Variants in SMCO2 observed in about 807,000 individuals in gnomAD.
The protein encoded by SMCO2 is single-pass membrane and coiled-coil domain-containing protein 2.
In SMCO2, 25 loss-of-function variants were observed where a neutral mutation model predicts 29.5. That is an observed-to-expected ratio of 0.85 (90% CI 0.62 to 1.18). SMCO2 has a LOEUF of 1.18. Among genes scored for constraint, SMCO2 ranks in the 50% most tolerant of loss-of-function variants. SMCO2 has a pLI of 0.00. For missense variants in SMCO2, 348 were observed against 344.5 expected (o/e 1.01, Z -0.08); for synonymous variants, 117 against 123.3 (o/e 0.95, Z 0.34).
chr12:27,450,536 AC>A, the SMCO2 span, among the ~76,000 whole-genome samples: 1 of 152,130 alleles, frequency 6.6e-6, no homozygotes, highest in Non-Finnish European at 1.5e-5. Context: ...CATTGATTTT[AC>A]CCTCAGCGGC....
the SMCO2 span, among the ~76,000 whole-genome samples, chr12:27,443,365 T>G: frequency 0.66 from 100,263 of 152,048 alleles, 33,343 homozygotes; most frequent in Middle Eastern, 0.79. Context: ...GGAACATACC[T>G]CAAAATAATA....
chr12:27,455,240 CATCT>C, the SMCO2 span, among the ~76,000 whole-genome samples: 1 of 152,280 alleles, frequency 6.6e-6, no homozygotes, highest in East Asian at 1.9e-4. Flanking sequence ...CTCCAAGTAG[CATCT>C]ATCTATCATT....
chr12:27,447,125 C>T, the SMCO2 span, among the ~76,000 whole-genome samples: 2 of 152,124 alleles, frequency 1.3e-5, no homozygotes, highest in African/African-American at 4.8e-5. Flanking sequence ...CAGTGAATGG[C>T]ATCTCACTGC....
At chr12:27,500,226 A>C (rs1392912709) in intron 7 of SMCO2, among the ~76,000 whole-genome samples, 1 of 150,522 alleles carries the variant, frequency 6.6e-6, no homozygotes, top group Non-Finnish European at 1.5e-5. Flanking sequence ...TAAATTTTTA[A>C]AACTTGTATT....
chr12:27,494,167 G>A lies in SMCO2; in HGVS notation c.451-133G>A, dbSNP rs2135575576. On this transcript the variant is annotated intron_variant, in intron 5 of 7. Coordinates refer to ENST00000298876, the Ensembl canonical transcript of SMCO2. ...ATTACACTATGAATTTGCTCTAAGA[G>A]GAAGAAGTTTACAAAGTAAAAGTAA... The A allele has an allele frequency of 9.7e-6, 5 of 517,602 alleles. No homozygotes were observed. The East Asian group carries it at 1.1e-4, about 12-fold the overall frequency. 32.1% of individuals were successfully genotyped at this position (517,602 alleles called of 1,614,324 possible).
At chr12:27,474,318 T>C (rs1949565667) in intron 3 of SMCO2, among the ~76,000 whole-genome samples, 2 of 152,188 alleles carry the variant, frequency 1.3e-5, no homozygotes, top group Non-Finnish European at 2.9e-5. Flanking sequence ...TATTCTAATT[T>C]CTTTAATTGT....
chr12:27,488,422 C>T lies in SMCO2; in HGVS notation c.363-38C>T, dbSNP rs1171258607. 8 of 1,364,206 alleles carry T rather than the reference C, an allele frequency of 5.9e-6. No homozygotes were observed. In the South Asian group the frequency reaches 1.2e-4, roughly 21 times the overall value. 84.5% of individuals were successfully genotyped at this position (1,364,206 alleles called of 1,614,324 possible). A position where few individuals can be genotyped will look rare whatever the true frequency, so the allele number is the denominator to read the frequency against. On this transcript the variant is annotated intron_variant, in intron 4 of 7. Coordinates refer to ENST00000298876, the Ensembl canonical transcript of SMCO2. ...TTACCTCCTCTCTTGGGTGATTTTT[C>T]TTAATCTGCAGGCCTTAGTATCTTG...
the SMCO2 span, among the ~76,000 whole-genome samples, chr12:27,456,235 A>G: frequency 6.6e-6 from 1 of 152,230 alleles, no homozygotes; most frequent in African/African-American, 2.4e-5. Context: ...GAAATAACAA[A>G]GAAGTATTGG....
At chr12:27,492,881 G>A (rs1389434550) in intron 5 of SMCO2, among the ~76,000 whole-genome samples, 3 of 152,082 alleles carry the variant, frequency 2.0e-5, no homozygotes, top group East Asian at 1.9e-4. Context: ...ACACATGAAC[G>A]TGAATGTTCA....
chr12:27,460,273 G>A, the SMCO2 span, among the ~76,000 whole-genome samples: 6 of 152,058 alleles, frequency 3.9e-5, no homozygotes, highest in African/African-American at 1.4e-4. Flanking sequence ...GCACAATGCC[G>A]GGGTTAGGGG....
chr12:27,491,477 T>C (rs908597952), intron 5 of SMCO2, among the ~76,000 whole-genome samples: 60 of 152,256 alleles, frequency 3.9e-4, no homozygotes, highest in African/African-American at 1.4e-3. Flanking sequence ...TAAGAGGTGA[T>C]TGTCACAGCA....
chr12:27,474,383 A>G (rs1343247645), intron 3 of SMCO2, among the ~76,000 whole-genome samples: 1 of 152,232 alleles, frequency 6.6e-6, no homozygotes, highest in Non-Finnish European at 1.5e-5. Flanking sequence ...AAAAAGATCT[A>G]TGCAATATGT....
chr12:27,424,483 T>C, the SMCO2 span: 7 of 152,250 alleles, frequency 4.6e-5, no homozygotes, highest in African/African-American at 1.7e-4. Flanking sequence ...ATAGAGACTT[T>C]TAGTAAATAA....
intron 4 of SMCO2, among the ~76,000 whole-genome samples, chr12:27,475,219 G>A (rs987717245): frequency 2.6e-5 from 4 of 152,172 alleles, no homozygotes; most frequent in Non-Finnish European, 5.9e-5. Flanking sequence ...TTATCATTAA[G>A]AGTATGTTGT....
At position 27,476,911 on chromosome 12, in the gene SMCO2, T is replaced by C. The variant is rs1001348720; in HGVS notation, c.362+1998T>C. On this transcript the variant is annotated intron_variant, in intron 4 of 7. Coordinates refer to ENST00000298876, the Ensembl canonical transcript of SMCO2. ...TTTTGTTCATTGTTTTCTGGTTGTT[T>C]TGTATATCCTTATTTCTTTCTCTCT... is the stretch of plus-strand genomic sequence containing the variant. Among the ~76,000 whole-genome samples the C allele has an allele frequency of 3.9e-5, 6 of 152,194 alleles. 1 individual carries two copies. The highest frequency in any genetic ancestry group is 2.9e-5 in the Non-Finnish European group (2 of 67,974).
chr12:27,499,721 T>G (rs1476697277), intron 7 of SMCO2, among the ~76,000 whole-genome samples: 1 of 150,850 alleles, frequency 6.6e-6, no homozygotes, highest in Non-Finnish European at 1.5e-5. Flanking sequence ...ATGATTACAT[T>G]CTAATTAAGA....
chr12:27,425,178 AT>A, the SMCO2 span: 1 of 151,784 alleles, frequency 6.6e-6, no homozygotes, highest in Non-Finnish European at 1.5e-5. Context: ...GCTCGTCTGT[AT>A]ATTGGTATTT....
the SMCO2 span, chr12:27,425,181 T>C: frequency 4.6e-5 from 7 of 152,310 alleles, no homozygotes; most frequent in African/African-American, 1.4e-4. Flanking sequence ...CGTCTGTATA[T>C]TGGTATTTTT....
At chr12:27,484,128 C>A (rs1949667722) in intron 4 of SMCO2, among the ~76,000 whole-genome samples, 1 of 152,214 alleles carries the variant, frequency 6.6e-6, no homozygotes, top group African/African-American at 2.4e-5. Context: ...TGGTGGCTCA[C>A]ACCTGTAATC....
Sources: allele counts gnomAD v4.1 joint callset (sites outside exome capture counted in the v4.1 genomes callset), GRCh38; gene constraint gnomAD v4.1.1; transcripts MANE v1.5; gene names NCBI Gene and HGNC (gene_info 2026-07-23, HGNC 2026-07-21).